Variants in SLC44A5 observed in about 807,000 individuals in gnomAD.
SLC44A5 encodes the protein solute carrier family 44 member 5.
SLC44A5 carries 57 observed loss-of-function variants against 101.8 expected under a neutral mutation model. That is an observed-to-expected ratio of 0.56 (90% CI 0.45 to 0.70). The LOEUF is 0.70. Ranked by LOEUF, SLC44A5 falls within the 30% of genes least tolerant of loss-of-function variation. SLC44A5 has a pLI of 0.00. For missense variants in SLC44A5, 737 were observed against 853.1 expected (o/e 0.86, Z 1.70); for synonymous variants, 281 against 290.9 (o/e 0.97, Z 0.35).
At chr1:75,245,722 C>T (rs1042380938) in intron 7 of SLC44A5, among the ~76,000 whole-genome samples, 15 of 152,040 alleles carry the variant, frequency 9.9e-5, no homozygotes, top group African/African-American at 2.9e-4. Context: ...AATAGTAAAA[C>T]GTAGTTTGTT....
intron 1 of SLC44A5, among the ~76,000 whole-genome samples, chr1:75,567,071 G>T (rs1182776275): frequency 6.6e-6 from 1 of 152,144 alleles, no homozygotes; most frequent in African/African-American, 2.4e-5. Context: ...GCAAGGGTGG[G>T]TGCTCAACCT....
intron 1 of SLC44A5, among the ~76,000 whole-genome samples, chr1:75,586,434 G>A (rs1011252823): frequency 6.8e-6 from 1 of 147,954 alleles, no homozygotes; most frequent in Non-Finnish European, 1.5e-5. Context: ...TTTCTCTGGC[G>A]AACCCTAATA....
At chr1:75,441,547 T>TTGCTCC (rs1665201079) in intron 2 of SLC44A5, among the ~76,000 whole-genome samples, 1 of 151,826 alleles carries the variant, frequency 6.6e-6, no homozygotes, top group East Asian at 1.9e-4. Flanking sequence ...ATATAACTAA[T>TTGCTCC]TATAATAATA....
chr1:75,619,460 T>A, the SLC44A5 span, among the ~76,000 whole-genome samples: 4 of 152,128 alleles, frequency 2.6e-5, no homozygotes, highest in Admixed American at 6.5e-5. Context: ...CTTGTGGGAA[T>A]GAAAACGTCG....
the SLC44A5 span, among the ~76,000 whole-genome samples, chr1:75,700,727 T>C: frequency 6.6e-6 from 1 of 152,108 alleles, no homozygotes. Context: ...GGCTGGTTTT[T>C]TGAAAAGATC....
intron 4 of SLC44A5, among the ~76,000 whole-genome samples, chr1:75,306,099 T>A (rs1356041210): frequency 2.0e-5 from 3 of 152,226 alleles, no homozygotes; most frequent in Non-Finnish European, 4.4e-5. Context: ...AAATTCAAAC[T>A]TGCATTCATA....
chr1:75,450,600 G>T (rs1053778031), intron 2 of SLC44A5, among the ~76,000 whole-genome samples: 3 of 152,182 alleles, frequency 2.0e-5, no homozygotes, highest in East Asian at 3.9e-4. Context: ...TGCTACTGCT[G>T]CAGTTTCCTC....
chr1:75,424,005 A>G (rs1203927432), intron 2 of SLC44A5, among the ~76,000 whole-genome samples: 1 of 152,186 alleles, frequency 6.6e-6, no homozygotes, highest in African/African-American at 2.4e-5. Context: ...AGTATGTATC[A>G]CTTTCTTTCC....
chr1:75,633,810 G>A, the SLC44A5 span, among the ~76,000 whole-genome samples: 4 of 152,180 alleles, frequency 2.6e-5, no homozygotes, highest in Non-Finnish European at 4.4e-5. Flanking sequence ...GTTTTCAAAG[G>A]GAATGCTTCC....
chr1:75,633,485 G>A, the SLC44A5 span, among the ~76,000 whole-genome samples: 1 of 152,134 alleles, frequency 6.6e-6, no homozygotes, highest in Non-Finnish European at 1.5e-5. Context: ...TGAAGCAATT[G>A]CGAATGGGAG....
At chr1:75,503,230 T>G (rs539750143) in intron 2 of SLC44A5, among the ~76,000 whole-genome samples, 1 of 152,258 alleles carries the variant, frequency 6.6e-6, no homozygotes, top group East Asian at 1.9e-4. Flanking sequence ...TAATAATTTA[T>G]AGTTGTGGAG....
intron 1 of SLC44A5, among the ~76,000 whole-genome samples, chr1:75,593,856 G>A (rs893845023): frequency 2.6e-5 from 4 of 152,044 alleles, no homozygotes; most frequent in African/African-American, 9.6e-5. Context: ...GGGGATGGAG[G>A]GAAGAGGGGA....
intron 8 of SLC44A5, 152 bp downstream of exon 8, chr1:75,242,734 C>T (rs1648747756): frequency 3.4e-6 from 3 of 890,852 alleles, no homozygotes; most frequent in Non-Finnish European, 5.0e-6. Context: ...TGCATGCACA[C>T]CCAGTACACA....
chr1:75,292,525 T>C (rs1412543482), intron 5 of SLC44A5, among the ~76,000 whole-genome samples: 1 of 152,202 alleles, frequency 6.6e-6, no homozygotes, highest in Non-Finnish European at 1.5e-5. Flanking sequence ...GTGTGGATTA[T>C]GATAAAGAAT....
the SLC44A5 span, among the ~76,000 whole-genome samples, chr1:75,682,548 A>C: frequency 5.3e-4 from 80 of 152,126 alleles, no homozygotes; most frequent in African/African-American, 1.8e-3. Flanking sequence ...ATCTGGCTAG[A>C]CATATGTAGA....
intron 2 of SLC44A5, among the ~76,000 whole-genome samples, chr1:75,411,825 G>A (rs531083101): frequency 6.6e-6 from 1 of 152,196 alleles, no homozygotes; most frequent in East Asian, 1.9e-4. Context: ...CTTAACAGCT[G>A]TCACAGCACA....
chr1:75,245,557 G>T (rs988079341), intron 7 of SLC44A5, among the ~76,000 whole-genome samples: 4 of 152,078 alleles, frequency 2.6e-5, no homozygotes, highest in Non-Finnish European at 5.9e-5. Flanking sequence ...TTATAAGTGA[G>T]TACTGAAAGA....
chr1:75,446,294 T>C (rs932867176), intron 2 of SLC44A5, among the ~76,000 whole-genome samples: 1 of 152,144 alleles, frequency 6.6e-6, no homozygotes, highest in Admixed American at 6.6e-5. Flanking sequence ...TCTCTAATCA[T>C]ATCTCCCCCT....
chr1:75,538,388 G>T (rs1490168711), intron 2 of SLC44A5, among the ~76,000 whole-genome samples: 1 of 152,186 alleles, frequency 6.6e-6, no homozygotes, highest in Non-Finnish European at 1.5e-5. Flanking sequence ...TATAAATGTA[G>T]ATATAGATGC....
Sources: gnomAD v4.1 joint callset for allele counts (sites outside exome capture counted in the v4.1 genomes callset) on GRCh38, gnomAD v4.1.1 for gene constraint, MANE v1.5 for transcripts, NCBI Gene and HGNC (gene_info 2026-07-23, HGNC 2026-07-21) for gene names.